Variants in PAIP2B observed in about 807,000 individuals in gnomAD.
PAIP2B encodes the protein polyadenylate-binding protein-interacting protein 2B.
A neutral mutation model predicts 17.0 loss-of-function variants in PAIP2B; 13 were observed. The observed-to-expected ratio is 0.76, with a 90% CI of 0.50 to 1.22. The LOEUF is 1.22. Ranked by LOEUF, PAIP2B falls within the 50% of genes most tolerant of loss-of-function variation. The pLI is 0.00. For missense variants in PAIP2B, 117 were observed against 144.5 expected (o/e 0.81, Z 0.98); for synonymous variants, 43 against 48.7 (o/e 0.88, Z 0.48).
Position 71,203,814 on chromosome 2 carries a change from G to A in PAIP2B, c.-11-1214C>T, listed in dbSNP as rs148677696. The stretch of plus-strand genomic sequence containing the variant: ...TTAATTTTTTATGGCAATTTTTGCC[G>A]GCCTTAAATTTTTCTAGCTCATATA... On this transcript the variant is annotated intron_variant, in intron 1 of 3. Transcript: ENST00000244221. 6.2e-3 allele frequency among the ~76,000 whole-genome samples: 938 copies of A among 150,190 alleles called. 6 individuals carry two copies. Among genetic ancestry groups the A allele is most frequent in the Middle Eastern group, 0.017 (5 of 290 alleles).
intron 2 of PAIP2B, among the ~76,000 whole-genome samples, chr2:71,199,820 G>A (rs1363729850): frequency 6.6e-6 from 1 of 152,122 alleles, no homozygotes; most frequent in Non-Finnish European, 1.5e-5. Flanking sequence ...GTGCCTAGGG[G>A]TTCAAGTCCA....
intron 3 of PAIP2B, 144 bp from the exon 4 acceptor site, chr2:71,188,679 C>A: frequency 1.4e-6 from 1 of 694,310 alleles, no homozygotes. Flanking sequence ...GCTAGGTTAT[C>A]TCAACTGCAC....
chr2:71,186,387 A>G lies in PAIP2B; in HGVS notation c.*2092T>C, dbSNP rs1674540579. The G allele has an allele frequency of 6.6e-6, 1 of 152,260 alleles. No individual in the cohort carries two copies. Among genetic ancestry groups the G allele is most frequent in the Non-Finnish European group, 1.5e-5 (1 of 68,050 alleles). The allele number at this position is 152,260 out of a possible 1,614,324, so 9.4% of individuals were successfully genotyped here. The stretch of plus-strand genomic sequence containing the variant: ...TGGAGTCAGTATGTTCAGTGTCTGA[A>G]GAAGACTAGAAATGCCAGCCCTCAG... On this transcript the variant is annotated 3_prime_UTR_variant, in exon 4 of 4. Transcript: ENST00000244221.
rs184812998 is a variant in PAIP2B at position 71,198,371 on chromosome 2, C to T, written c.138+4081G>A. Among the ~76,000 whole-genome samples, 309 of 151,604 alleles carry T rather than the reference C, an allele frequency of 2.0e-3. 6 individuals are homozygous for T. In the East Asian group the frequency reaches 0.022, roughly 11 times the overall value. On this transcript the variant is annotated intron_variant, in intron 2 of 3. Coordinates refer to ENST00000244221, the MANE Select transcript of PAIP2B (RefSeq NM_020459.1). The stretch of plus-strand genomic sequence containing the variant: ...CGCGATCTCGGCTCACTGCAAGCTC[C>T]GCCTCCTGGGTTCACACCATTCTCC...
chr2:71,189,788 T>G, intron 3 of PAIP2B, 57 bp downstream of exon 3: 1 of 1,452,414 alleles, frequency 6.9e-7, no homozygotes, highest in Non-Finnish European at 9.2e-7. Flanking sequence ...AAGTCTGTCA[T>G]TCCAAATCCT....
At chr2:71,197,314 T>C (rs1220412519) in intron 2 of PAIP2B, among the ~76,000 whole-genome samples, 1 of 152,210 alleles carries the variant, frequency 6.6e-6, no homozygotes, top group Non-Finnish European at 1.5e-5. Flanking sequence ...TGAAGATTTT[T>C]TTACTCTAAG....
Position 71,226,931 on chromosome 2 carries a change from G to C in PAIP2B, c.-15C>G, listed in dbSNP as rs1675748188. The C allele has an allele frequency of 6.6e-6, 1 of 152,646 alleles. No individual in the cohort carries two copies. Among genetic ancestry groups the C allele is most frequent in the South Asian group, 2.1e-4 (1 of 4,824 alleles). The allele number at this position is 152,646 out of a possible 1,614,324, so 9.5% of individuals were successfully genotyped here. ...CAGCCCGGGCACCCGAGCCCACCTG[G>C]GCTAACCAGAAGCCCCTCCTTCAGA... is the stretch of plus-strand genomic sequence containing the variant. On this transcript the variant is annotated 5_prime_UTR_variant, in exon 1 of 4. Transcript: ENST00000244221.
At chr2:71,222,695 A>G (rs761054388) in intron 1 of PAIP2B, among the ~76,000 whole-genome samples, 67 of 152,174 alleles carry the variant, frequency 4.4e-4, no homozygotes, top group Non-Finnish European at 6.0e-4. Context: ...CACATCATAT[A>G]CCACTTTTGG....
intron 2 of PAIP2B, 107 bp from the exon 3 acceptor site, chr2:71,190,128 A>G (rs1223910904): frequency 8.8e-7 from 1 of 1,138,546 alleles, no homozygotes; most frequent in African/African-American, 1.6e-5. Context: ...TGCAATTAAG[A>G]ATGATCTTGA....
Position 71,182,992 on chromosome 2 carries a change from A to G in PAIP2B, c.*5487T>C, listed in dbSNP as rs1572914270. 1 of 102,206 alleles carries G rather than the reference A, an allele frequency of 9.8e-6. No individual in the cohort carries two copies. The highest frequency in any genetic ancestry group is 1.9e-5 in the Non-Finnish European group (1 of 51,920). 6.3% of individuals were successfully genotyped at this position (102,206 alleles called of 1,614,324 possible). The stretch of plus-strand genomic sequence containing the variant: ...AGTCAAGACCTTCTGGGCCCAGTGG[A>G]GGTGCTGGGCTGCTCCGGGACACCA... On this transcript the variant is annotated 3_prime_UTR_variant, in exon 4 of 4. Transcript: ENST00000244221.
intron 1 of PAIP2B, among the ~76,000 whole-genome samples, chr2:71,203,453 G>T (rs1053674303): frequency 6.6e-6 from 1 of 151,958 alleles, no homozygotes; most frequent in Admixed American, 6.6e-5. Context: ...ACTACTATAA[G>T]AATTTAAATT....
chr2:71,219,987 C>T (rs1675536322), intron 1 of PAIP2B, among the ~76,000 whole-genome samples: 1 of 152,224 alleles, frequency 6.6e-6, no homozygotes, highest in Non-Finnish European at 1.5e-5. Flanking sequence ...AGTTCTTCCA[C>T]ATGAGTACAT....
intron 2 of PAIP2B, 138 bp from the exon 3 acceptor site, chr2:71,190,159 A>G: frequency 1.1e-6 from 1 of 886,484 alleles, no homozygotes; most frequent in East Asian, 2.8e-5. Context: ...GTGGCTCACA[A>G]CTGTAATCCC....
At chr2:71,207,031 C>A (rs1039475039) in intron 1 of PAIP2B, among the ~76,000 whole-genome samples, 2 of 152,216 alleles carry the variant, frequency 1.3e-5, no homozygotes, top group Non-Finnish European at 2.9e-5. Context: ...TGAGTGCCTA[C>A]TGACCCTCTG....
intron 2 of PAIP2B, among the ~76,000 whole-genome samples, chr2:71,197,224 C>G (rs868577152): frequency 6.6e-6 from 1 of 152,234 alleles, no homozygotes; most frequent in African/African-American, 2.4e-5. Flanking sequence ...AATGAAGTCC[C>G]TCAACATTTG....
intron 2 of PAIP2B, among the ~76,000 whole-genome samples, chr2:71,193,227 G>A (rs554227332): frequency 4.6e-5 from 7 of 151,946 alleles, no homozygotes; most frequent in Admixed American, 6.6e-5. Context: ...CTTGTTGGCC[G>A]TATGTATGTC....
chr2:71,195,669 C>T (rs1243715143), intron 2 of PAIP2B, among the ~76,000 whole-genome samples: 1 of 152,126 alleles, frequency 6.6e-6, no homozygotes, highest in Non-Finnish European at 1.5e-5. Context: ...GATGAAGTCT[C>T]GCTCTGTCAC....
At chr2:71,218,485 C>T (rs575963229) in intron 1 of PAIP2B, among the ~76,000 whole-genome samples, 5 of 152,210 alleles carry the variant, frequency 3.3e-5, no homozygotes, top group East Asian at 1.9e-4. Flanking sequence ...TGCTTAAAGA[C>T]GAGCAAAGAT....
At chr2:71,220,908 T>A (rs1675566026) in intron 1 of PAIP2B, among the ~76,000 whole-genome samples, 1 of 152,258 alleles carries the variant, frequency 6.6e-6, no homozygotes, top group Admixed American at 6.5e-5. Context: ...GATAATCAGC[T>A]GCTCACCCAT....
Sources: allele counts gnomAD v4.1 joint callset (sites outside exome capture counted in the v4.1 genomes callset), GRCh38; gene constraint gnomAD v4.1.1; transcripts MANE v1.5; gene names NCBI Gene and HGNC (gene_info 2026-07-23, HGNC 2026-07-21).